Variants in DESI1 observed in about 807,000 individuals in gnomAD.
DESI1 encodes the protein desumoylating isopeptidase 1, also known as PPPDE peptidase domain containing 2.
A neutral mutation model predicts 22.4 loss-of-function variants in DESI1; 17 were observed. That is an observed-to-expected ratio of 0.76 (90% CI 0.52 to 1.14). DESI1 has a LOEUF of 1.14. Among genes scored for constraint, DESI1 ranks in the 50% most tolerant of loss-of-function variants. DESI1 has a pLI of 0.00. For synonymous variants in DESI1, 92 were observed against 84.2 expected (o/e 1.09, Z -0.51); for missense variants, 177 against 208.9 (o/e 0.85, Z 0.94).
At chr22:41,603,504 T>A (rs1383367215) in intron 4 of DESI1, 123 bp from the exon 5 acceptor site, 6 of 1,449,100 alleles carry the variant, frequency 4.1e-6, no homozygotes, top group Non-Finnish European at 5.7e-6. Context: ...TTCCCCCGTC[T>A]CATACACCAG....
intron 5 of DESI1, chr22:41,602,834 T>G: frequency 2.9e-6 from 3 of 1,029,000 alleles, no homozygotes; most frequent in Non-Finnish European, 3.5e-6. Context: ...AGTCAAAGAG[T>G]TCATGGTGCA....
rs2067431870 is a variant in DESI1 at position 41,598,318 on chromosome 22, A to C, written c.*2779T>G. ...GCCGGCCACAATGAGAATGCTCCTG[A>C]GGTGCTGGGACAGACAGAAATATGA... On this transcript the variant is annotated 3_prime_UTR_variant, in exon 6 of 6. Transcript: ENST00000263256. The C allele has an allele frequency of 6.6e-6, 1 of 152,354 alleles. No homozygotes were observed. Among genetic ancestry groups the C allele is most frequent in the African/African-American group, 2.4e-5 (1 of 41,432 alleles). 9.4% of individuals were successfully genotyped at this position (152,354 alleles called of 1,614,324 possible).
At chr22:41,604,842 G>A (rs2067470038) in intron 3 of DESI1, among the ~76,000 whole-genome samples, 2 of 152,144 alleles carry the variant, frequency 1.3e-5, no homozygotes, top group Admixed American at 6.5e-5. Context: ...GCTGCAGGTT[G>A]GACAAGCTTG....
chr22:41,610,476 T>G (rs1052940795), intron 1 of DESI1, among the ~76,000 whole-genome samples: 9 of 152,224 alleles, frequency 5.9e-5, no homozygotes, highest in Non-Finnish European at 1.2e-4. Context: ...ATATCTATTT[T>G]ACATGTAAAA....
chr22:41,604,241 C>G (rs1026290047), intron 3 of DESI1, 88 bp from the exon 4 acceptor site: 5 of 656,382 alleles, frequency 7.6e-6, no homozygotes, highest in South Asian at 4.8e-5. Context: ...CACAAACACT[C>G]TGTTCTGACT....
chr22:41,602,975 C>A (rs951738190), intron 5 of DESI1: 2 of 572,516 alleles, frequency 3.5e-6, no homozygotes, highest in African/African-American at 1.9e-5. Flanking sequence ...ATGGGAAGGA[C>A]AGACGCCAGA....
At chr22:41,602,486 TA>T (rs998273123) in intron 5 of DESI1, 60 of 985,254 alleles carry the variant, frequency 6.1e-5, no homozygotes, top group Non-Finnish European at 6.7e-5. Flanking sequence ...TCCTCAGATA[TA>T]AAAAACAGCC....
intron 1 of DESI1, among the ~76,000 whole-genome samples, chr22:41,611,284 C>A (rs1024032609): frequency 4.6e-5 from 7 of 152,178 alleles, no homozygotes; most frequent in African/African-American, 1.7e-4. Context: ...AGGTGTGCGC[C>A]ACCATGCCCA....
At chr22:41,603,639 G>A (rs1429631546) in intron 4 of DESI1, among the ~76,000 whole-genome samples, 1 of 152,216 alleles carries the variant, frequency 6.6e-6, no homozygotes, top group Non-Finnish European at 1.5e-5. Context: ...CAGAACTCTG[G>A]TGTTAAGAGT....
rs1225166541 is a variant in DESI1 at position 41,604,147 on chromosome 22, T to A, written c.187A>T (p.Thr63Ser). The change falls in exon 4 of 6, where the codon ACA (threonine) becomes TCA (serine). Residue 63 changes from threonine to serine, a missense_variant. Transcript: ENST00000263256. ...GGISSCPPGG[T>S]LLGPPDSVVD... ...ACAGAGTCTGGAGGCCCAAGCAATG[T>A]CCCTCCCTAAAAGAGCCAACCCAAA... The A allele has an allele frequency of 5.0e-6, 8 of 1,612,954 alleles. No individual in the cohort carries two copies. Among genetic ancestry groups the A allele is most frequent in the Non-Finnish European group, 5.9e-6 (7 of 1,179,710 alleles).
intron 1 of DESI1, among the ~76,000 whole-genome samples, chr22:41,613,367 T>C (rs930958606): frequency 6.6e-6 from 1 of 152,248 alleles, no homozygotes. Flanking sequence ...ACATAATACA[T>C]GCCCAATAAA....
chr22:41,603,196 T>G, intron 5 of DESI1, 63 bp downstream of exon 5: 24 of 1,610,974 alleles, frequency 1.5e-5, no homozygotes, highest in Non-Finnish European at 2.0e-5. Context: ...GGAAGGGCAC[T>G]GACCGTGAAT....
rs191321469 is a variant in DESI1 at position 41,619,015 on chromosome 22, G to C, written c.88+1737C>G. On this transcript the variant is annotated intron_variant, in intron 1 of 5. Transcript: ENST00000263256. ...GGAGGCGGAGCTTGCAGTGAGCCTA[G>C]ATCGTGCCACTGCACTCCAGCATGG... Among the ~76,000 whole-genome samples, 33 of 151,830 alleles carry C rather than the reference G, an allele frequency of 2.2e-4. 1 individual carries two copies. The highest frequency in any genetic ancestry group is 2.0e-3 in the Admixed American group (30 of 15,228).
chr22:41,611,616 A>T (rs2067517993), intron 1 of DESI1, among the ~76,000 whole-genome samples: 2 of 108,986 alleles, frequency 1.8e-5, no homozygotes, highest in Admixed American at 1.0e-4. Flanking sequence ...TTTTTTTGAG[A>T]CAGTCTCACT....
chr22:41,609,850 G>T (rs1374329334), intron 1 of DESI1, among the ~76,000 whole-genome samples: 1 of 151,724 alleles, frequency 6.6e-6, no homozygotes, highest in African/African-American at 2.4e-5. Flanking sequence ...CACTTTGGGA[G>T]GCCGAGGCGG....
At chr22:41,611,666 G>T (rs2067518289) in intron 1 of DESI1, among the ~76,000 whole-genome samples, 1 of 142,808 alleles carries the variant, frequency 7.0e-6, no homozygotes, top group Non-Finnish European at 1.5e-5. Flanking sequence ...GATCTTGGCT[G>T]ACTGTAACCT....
intron 4 of DESI1, 95 bp from the exon 5 acceptor site, chr22:41,603,476 C>G: frequency 1.3e-6 from 2 of 1,562,178 alleles, no homozygotes; most frequent in Non-Finnish European, 1.7e-6. Flanking sequence ...GAGCACAGCT[C>G]AATGTGAGGA....
chr22:41,602,611 C>T, intron 5 of DESI1: 5 of 986,426 alleles, frequency 5.1e-6, no homozygotes, highest in Non-Finnish European at 4.8e-6. Context: ...GCAGAGGCTG[C>T]CTGAATGCAA....
At chr22:41,619,990 G>T (rs926353824) in intron 1 of DESI1, among the ~76,000 whole-genome samples, 7 of 152,192 alleles carry the variant, frequency 4.6e-5, no homozygotes, top group African/African-American at 1.7e-4. Context: ...AATGAGGGCT[G>T]GTTTTTCTCC....
Sources: gnomAD v4.1 joint callset for allele counts (sites outside exome capture counted in the v4.1 genomes callset) on GRCh38, gnomAD v4.1.1 for gene constraint, MANE v1.5 for transcripts, NCBI Gene and HGNC (gene_info 2026-07-23, HGNC 2026-07-21) for gene names.